Variants in TUBB8 observed in about 807,000 individuals in gnomAD.
The protein encoded by TUBB8 is tubulin beta-8 chain.
Under a neutral mutation model 33.7 loss-of-function variants are expected in TUBB8, and 25 were observed. The observed-to-expected ratio is 0.74, with a 90% CI of 0.54 to 1.04. The LOEUF (loss-of-function observed/expected upper bound fraction) is 1.04, where lower values mean the gene tolerates loss of function less well. Among genes scored for constraint, TUBB8 ranks in the 50% least tolerant of loss-of-function variants. The pLI is 0.00. For missense variants in TUBB8, 279 were observed against 608.0 expected (o/e 0.46, Z 5.69); for synonymous variants, 245 against 240.1 (o/e 1.02, Z -0.19).
chr10:75,939 G>C (rs2130957109), upstream of TUBB8, among the ~76,000 whole-genome samples: 1 of 152,028 alleles, frequency 6.6e-6, no homozygotes, highest in South Asian at 2.1e-4. Flanking sequence ...AGGAGTTCGA[G>C]ACCAGCCTGG....
intron 1 of TUBB8, among the ~76,000 whole-genome samples, chr10:63,810 G>A (rs1245378151): frequency 6.6e-6 from 1 of 152,100 alleles, no homozygotes; most frequent in African/African-American, 2.4e-5. Flanking sequence ...TAGCTTGTTT[G>A]GTGAGGTCAT....
chr10:61,132 G>C (rs1834597025), intron 1 of TUBB8, among the ~76,000 whole-genome samples: 1 of 151,140 alleles, frequency 6.6e-6, no homozygotes, highest in South Asian at 2.1e-4. Context: ...GCTAGATGAC[G>C]AGTTAGTGGG....
At chr10:68,895 T>C (rs1261802350) in intron 1 of TUBB8, among the ~76,000 whole-genome samples, 1 of 152,212 alleles carries the variant, frequency 6.6e-6, no homozygotes, top group Non-Finnish European at 1.5e-5. Flanking sequence ...TTCTGGAATG[T>C]TCCTGAGCTG....
intron 1 of TUBB8, among the ~76,000 whole-genome samples, chr10:71,260 A>G (rs1834732169): frequency 6.6e-6 from 1 of 151,900 alleles, no homozygotes; most frequent in Non-Finnish European, 1.5e-5. Flanking sequence ...GGTTGCAGCG[A>G]GCGGAGATCG....
chr10:53,657 G>C (rs1554739869), upstream of TUBB8, among the ~76,000 whole-genome samples: 1 of 152,232 alleles, frequency 6.6e-6, no homozygotes, highest in Non-Finnish European at 1.5e-5. Context: ...GAAAAACAGT[G>C]TTTATCTCCA....
chr10:48,442 G>A (rs192762418), intron 3 of TUBB8, 173 bp downstream of exon 3: 8 of 694,052 alleles, frequency 1.2e-5, no homozygotes, highest in African/African-American at 1.1e-4. Flanking sequence ...AGACACCAGG[G>A]CCTTCCTCCC....
chr10:70,532 G>A (rs2130951831), intron 1 of TUBB8, among the ~76,000 whole-genome samples: 1 of 152,176 alleles, frequency 6.6e-6, no homozygotes, highest in Non-Finnish European at 1.5e-5. Flanking sequence ...TAAAAAACTA[G>A]AAAGATATAA....
At chr10:64,974 C>CT (rs1834651033) in intron 1 of TUBB8, among the ~76,000 whole-genome samples, 1 of 50,152 alleles carries the variant, frequency 2.0e-5, no homozygotes. Flanking sequence ...CCCATCTCCA[C>CT]TAAAAAAAAA....
At chr10:69,278 C>G (rs563367362) in intron 1 of TUBB8, among the ~76,000 whole-genome samples, 1 of 152,298 alleles carries the variant, frequency 6.6e-6, no homozygotes, top group South Asian at 2.1e-4. Context: ...CTTGTATGCT[C>G]TCTCTTACAG....
At chr10:61,779 T>G (rs1466440948) in intron 1 of TUBB8, among the ~76,000 whole-genome samples, 1 of 152,242 alleles carries the variant, frequency 6.6e-6, no homozygotes, top group Non-Finnish European at 1.5e-5. Flanking sequence ...GGTGCTTTAG[T>G]GTTGGGTGCA....
chr10:65,743 T>A (rs1448280054), intron 1 of TUBB8, among the ~76,000 whole-genome samples: 29 of 152,154 alleles, frequency 1.9e-4, no homozygotes, highest in Non-Finnish European at 3.2e-4. Flanking sequence ...TTAAAAATAA[T>A]AATAATAATA....
intron 1 of TUBB8, among the ~76,000 whole-genome samples, chr10:64,622 C>A (rs1275807666): frequency 6.6e-6 from 1 of 152,196 alleles, no homozygotes; most frequent in Non-Finnish European, 1.5e-5. Flanking sequence ...ACACTAGGCA[C>A]ACAAGAACAG....
At chr10:57,865 G>A (rs1834552641) in intron 1 of TUBB8, among the ~76,000 whole-genome samples, 1 of 151,884 alleles carries the variant, frequency 6.6e-6, no homozygotes, top group Non-Finnish European at 1.5e-5. Context: ...TCCACAGCCT[G>A]CTCAAGTTCC....
At chr10:51,263 C>A (rs1554739552), upstream of TUBB8, among the ~76,000 whole-genome samples, 2 of 152,198 alleles carry the variant, frequency 1.3e-5, no homozygotes, top group African/African-American at 4.8e-5. Flanking sequence ...CGCCCACCAC[C>A]ATGCCTGTCT....
chr10:76,258 G>T (rs1488610153), upstream of TUBB8, among the ~76,000 whole-genome samples: 2 of 151,600 alleles, frequency 1.3e-5, no homozygotes, highest in African/African-American at 2.4e-5. Context: ...GCCTCTCCAC[G>T]TTCCTCCTCC....
At chr10:46,819 T>C (rs1834334299), downstream of TUBB8, 3 of 437,418 alleles carry the variant, frequency 6.9e-6, no homozygotes, top group African/African-American at 2.1e-5. Context: ...AGCTTCCGCC[T>C]TGCAGGACAA....
chr10:71,148 C>G (rs190733991), intron 1 of TUBB8, among the ~76,000 whole-genome samples: 1 of 151,960 alleles, frequency 6.6e-6, no homozygotes, highest in Non-Finnish European at 1.5e-5. Context: ...CCCGCCTCTA[C>G]TAAAAACACA....
chr10:55,633 G>T (rs1283185194), intron 1 of TUBB8, among the ~76,000 whole-genome samples: 1 of 152,174 alleles, frequency 6.6e-6, no homozygotes, highest in African/African-American at 2.4e-5. Flanking sequence ...TTAGGTTTAA[G>T]TTTTTAATTT....
intron 3 of TUBB8, 196 bp from the exon 4 acceptor site, chr10:48,310 C>T: frequency 1.5e-6 from 1 of 672,800 alleles, no homozygotes; most frequent in South Asian, 1.8e-5. Context: ...AGGAGTCAAA[C>T]CTGAGACGGG....
Sources: gnomAD v4.1 joint callset for allele counts (sites outside exome capture counted in the v4.1 genomes callset) on GRCh38, gnomAD v4.1.1 for gene constraint, MANE v1.5 for transcripts, NCBI Gene and HGNC (gene_info 2026-07-23, HGNC 2026-07-21) for gene names.